The following SSC5D variants were observed in gnomAD, a reference collection of about 807,000 sequenced individuals.
SSC5D encodes the protein soluble scavenger receptor cysteine-rich domain-containing protein SSC5D.
A neutral mutation model predicts 104.6 loss-of-function variants in SSC5D; 106 were observed. The observed-to-expected ratio is 1.01, with a 90% CI of 0.87 to 1.19. The LOEUF (loss-of-function observed/expected upper bound fraction) is 1.19. SSC5D is among the 50% of genes most tolerant of loss of function. The pLI, the probability that SSC5D is intolerant of heterozygous loss-of-function variation, is 0.00. For missense variants in SSC5D, 1,993 were observed against 2,153.8 expected (o/e 0.93, Z 1.48); for synonymous variants, 860 against 883.5 (o/e 0.97, Z 0.47).
At chr19:55,501,960 T>C (rs1236043302) in intron 12 of SSC5D, among the ~76,000 whole-genome samples, 2 of 152,184 alleles carry the variant, frequency 1.3e-5, no homozygotes, top group Non-Finnish European at 2.9e-5. Context: ...TGGAGTGCAG[T>C]GGTGTGATCT....
In SSC5D at chr19:55,498,172, T is replaced by G. The variant is rs1195985650; in HGVS notation, c.1680T>G (p.Asn560Lys). The G allele has an allele frequency of 1.3e-6, 2 of 1,551,690 alleles. No homozygotes were observed. Among genetic ancestry groups the G allele is most frequent in the Admixed American group, 2.0e-5 (1 of 50,994 alleles). The change falls in exon 9 of 14, where the codon AAT (asparagine) becomes AAG (lysine). Residue 560 changes from asparagine (N) to lysine (K), a missense_variant. Around this residue, in one of 6 missense-constraint regions of SSC5D, gnomAD observed 1,101 missense variants for 1,085.0 expected, o/e 1.01. Coordinates refer to ENST00000389623, the MANE Select transcript of SSC5D (RefSeq NM_001144950.2). ...APWGKHNCAH[N>K]EDVGVTCTGP... ...GGGGAAAGCACAACTGCGCTCACAA[T>G]GAGGATGTTGGGGTCACCTGCACTG...
chr19:55,512,465 G>A (rs531785972), intron 12 of SSC5D, among the ~76,000 whole-genome samples: 1 of 139,170 alleles, frequency 7.2e-6, no homozygotes, highest in East Asian at 2.1e-4. Context: ...GAGCCTTGAG[G>A]AATTAAAATA....
At chr19:55,489,843 C>T (rs1987080957) in intron 3 of SSC5D, 39 bp from the exon 4 acceptor site, 2 of 1,531,060 alleles carry the variant, frequency 1.3e-6, no homozygotes, top group South Asian at 2.4e-5. Flanking sequence ...GGATTCCCCT[C>T]CTCTCCTCAT....
intron 13 of SSC5D, among the ~76,000 whole-genome samples, chr19:55,516,149 T>A (rs1371513295): frequency 1.5e-5 from 2 of 137,066 alleles, no homozygotes; most frequent in African/African-American, 2.8e-5. Flanking sequence ...CAGTATTTTT[T>A]AAAATGAAAA....
intron 6 of SSC5D, chr19:55,492,304 C>T (rs73057181): frequency 0.022 from 3,322 of 152,278 alleles, 57 homozygotes; most frequent in Non-Finnish European, 0.029. Context: ...GTGGTGGGGA[C>T]ACGGAGGTCA....
At chr19:55,512,947 G>C (rs1987788777) in intron 12 of SSC5D, 64 bp from the exon 13 acceptor site, 2 of 1,544,258 alleles carry the variant, frequency 1.3e-6, no homozygotes, top group African/African-American at 2.7e-5. Context: ...CAGGAGGAGA[G>C]AGACGGGGAG....
chr19:55,489,159 A>C, intron 2 of SSC5D, 127 bp downstream of exon 2: 1 of 883,316 alleles, frequency 1.1e-6, no homozygotes, highest in Non-Finnish European at 1.6e-6. Context: ...CCTTGGCCCC[A>C]GCTCCGCAAG....
intron 12 of SSC5D, among the ~76,000 whole-genome samples, chr19:55,502,052 G>A (rs923676808): frequency 7.2e-5 from 11 of 152,118 alleles, no homozygotes; most frequent in Non-Finnish European, 8.8e-5. Flanking sequence ...ACAGATGTGC[G>A]CCACCACACC....
At position 55,500,977 on chromosome 19, in the gene SSC5D, C is replaced by T; in HGVS notation, c.2618-57C>T. 1 of 1,544,766 alleles carries T rather than the reference C, an allele frequency of 6.5e-7. No individual in the cohort carries two copies. Among genetic ancestry groups the T allele is most frequent in the South Asian group, 1.2e-5 (1 of 83,596 alleles). ...ATTCCAAAAGGGGAGGGAAGAGCAG[C>T]AGCAAGGACCTCTGAGAAAGAGGAT... On this transcript the variant is annotated intron_variant, in intron 11 of 13. Coordinates refer to ENST00000389623, the MANE Select transcript of SSC5D (RefSeq NM_001144950.2). The surrounding 1 kb of genome is among the most constrained non-coding windows in gnomAD (Gnocchi z 4.6).
At chr19:55,505,600 CCAGCTT>C (rs1411677630) in intron 12 of SSC5D, among the ~76,000 whole-genome samples, 4 of 151,760 alleles carry the variant, frequency 2.6e-5, no homozygotes, top group African/African-American at 7.3e-5. Context: ...CCTGCCTTTT[CCAGCTT>C]CTAGAGGCCA....
rs370121560 is a variant in SSC5D at position 55,491,039 on chromosome 19, G to C, written c.854G>C (p.Ser285Thr). 1.2e-4 allele frequency: 180 copies of C among 1,550,256 alleles called. 2 individuals carry two copies. In the African/African-American group the frequency reaches 2.3e-3, roughly 20 times the overall value. The change falls in exon 6 of 14, where the codon AGC becomes ACC. Residue 285 changes from serine (S) to threonine (T), a missense_variant. Ser to Thr is a moderately conservative substitution (Grantham distance 58). This residue lies in a region of SSC5D where 1,101 missense variants were observed against 1,085.0 expected (regional missense o/e 1.01). Coordinates refer to ENST00000389623, the MANE Select transcript of SSC5D (RefSeq NM_001144950.2). ...RDCPRSPWGR[S>T]NCDHSEDAGL... ...TGCCCCCGAAGCCCCTGGGGCCGGA[G>C]CAACTGTGACCACAGCGAGGATGCG... is the stretch of plus-strand genomic sequence containing the variant.
intron 3 of SSC5D, 85 bp downstream of exon 3, chr19:55,489,747 A>C: frequency 6.7e-7 from 1 of 1,500,102 alleles, no homozygotes; most frequent in Non-Finnish European, 9.0e-7. Flanking sequence ...AGCAAGTCTG[A>C]GTGTTCAGCA....
intron 12 of SSC5D, among the ~76,000 whole-genome samples, chr19:55,508,634 G>A (rs1033140416): frequency 2.0e-5 from 3 of 151,430 alleles, no homozygotes; most frequent in African/African-American, 4.9e-5. Flanking sequence ...AATCCAGGGC[G>A]CATGCAGCAG....
Position 55,490,326 on chromosome 19 carries a change from C to T in SSC5D, c.504C>T (p.Asn168=), listed in dbSNP as rs377361180. Residue 168 remains asparagine (N), a synonymous_variant, in exon 5 of 14, where the codon AAC becomes AAT. Coordinates refer to ENST00000389623, the MANE Select transcript of SSC5D (RefSeq NM_001144950.2). ...CCCGCCCAGCTGGGAACCCCCAGAA[C>T]GCCTCCCGGAAGAAGAGCCCCCGGC... is the stretch of plus-strand genomic sequence containing the variant. ...HAPRPAGNPQ[N]ASRKKSPRPK... 505 of 1,468,840 alleles carry T rather than the reference C, an allele frequency of 3.4e-4. 1 individual carries two copies. In the African/African-American group the frequency reaches 5.0e-3, roughly 15 times the overall value. 91.0% of individuals were successfully genotyped at this position (1,468,840 alleles called of 1,614,324 possible). A position where few individuals can be genotyped will look rare whatever the true frequency, so the allele number is the denominator to read the frequency against.
Position 55,498,112 on chromosome 19 carries a change from C to T in SSC5D, c.1620C>T (p.Thr540=), listed in dbSNP as rs1052226850. ...IWLDDVGCVG[T]EASLSDCPAA... is the part of the protein sequence containing the mutation. ...TAGATGATGTGGGCTGTGTGGGGACCGAGGCTTCACTGTCCGACTGCCCTG... is the reference window on the plus strand; with the variant it reads ...TAGATGATGTGGGCTGTGTGGGGACTGAGGCTTCACTGTCCGACTGCCCTG... Residue 540 remains threonine, a synonymous_variant, in exon 9 of 14, where the codon ACC becomes ACT. Transcript: ENST00000389623. The T allele has an allele frequency of 2.0e-5, 31 of 1,551,506 alleles. No individual in the cohort carries two copies. Among genetic ancestry groups the T allele is most frequent in the African/African-American group, 6.8e-5 (5 of 73,014 alleles).
chr19:55,493,896 C>CGG lies in SSC5D; in HGVS notation c.1200_1201dup (p.Ala401GlyfsTer36), dbSNP rs1987229046. The CGG allele has an allele frequency of 1.4e-6, 2 of 1,462,998 alleles. No homozygotes were observed. The highest frequency in any genetic ancestry group is 1.8e-6 in the Non-Finnish European group (2 of 1,095,400). The allele number at this position is 1,462,998 out of a possible 1,614,324, so 90.6% of individuals were successfully genotyped here. A position where few individuals can be genotyped will look rare whatever the true frequency, so the allele number is the denominator to read the frequency against. Reference sequence around the variant, plus strand: ...ATGACTGTCACCACCGCGAGGACGCCGGGGCCGTGTGTGACGGTGAGGGGG... The same window carrying CGG: ...ATGACTGTCACCACCGCGAGGACGCCGGGGGGCCGTGTGTGACGGTGAGGGGG... On this transcript the variant is annotated frameshift_variant, in exon 7 of 14. Transcript: ENST00000389623. LOFTEE classifies it high-confidence loss of function.
In SSC5D at chr19:55,507,867, G is replaced by A. The variant is rs139678870; in HGVS notation, c.2786-5144G>A. On this transcript the variant is annotated intron_variant, in intron 12 of 13. Transcript: ENST00000389623. The stretch of plus-strand genomic sequence containing the variant: ...TGGGGAATGGACTGTAGGGGCCAGC[G>A]TGGATGCAGGGAGCCCGGGAGGTCC... Among the ~76,000 whole-genome samples the A allele has an allele frequency of 5.1e-4, 77 of 152,088 alleles. 1 individual carries two copies. The East Asian group carries it at 0.014, about 27-fold the overall frequency.
chr19:55,493,635 G>A lies in SSC5D; in HGVS notation c.936G>A (p.Gly312=), dbSNP rs1475246416. Residue 312 remains glycine, a synonymous_variant, in exon 7 of 14, where the codon GGG becomes GGA. Transcript: ENST00000389623. ...TGCGCCTGGCCGATGGCCCCCACGG[G>A]TGCGCCGGCCGCCTGGAGGTCTGGC... The part of the protein sequence containing the change: ...PRLRLADGPH[G]CAGRLEVWHG... The A allele has an allele frequency of 2.9e-5, 44 of 1,492,346 alleles. No individual in the cohort carries two copies. The highest frequency in any genetic ancestry group is 3.9e-5 in the Non-Finnish European group (44 of 1,130,224). 92.4% of individuals were successfully genotyped at this position (1,492,346 alleles called of 1,614,324 possible).
In SSC5D at chr19:55,489,891, T is replaced by G; in HGVS notation, c.371T>G (p.Val124Gly). Reference protein sequence around the residue: ...DAGVVCAGQRVANSRDDSTSP... With the variant: ...DAGVVCAGQRGANSRDDSTSP... ...TGCCCCCCCGCCGCAGGTCAGCGTG[T>G]GGCTAACTCCAGGGACGACTCAACA... Residue 124 changes from valine (V) to glycine (G), a missense_variant, in exon 4 of 14, where the codon GTG (valine) becomes GGG (glycine). This residue lies in a region of SSC5D where 1,101 missense variants were observed against 1,085.0 expected (regional missense o/e 1.01). Transcript: ENST00000389623. 1 of 1,548,570 alleles carries G rather than the reference T, an allele frequency of 6.5e-7. No homozygotes were observed. The highest frequency in any genetic ancestry group is 8.7e-7 in the Non-Finnish European group (1 of 1,146,036).
Sources: gnomAD v4.1 joint callset for allele counts (sites outside exome capture counted in the v4.1 genomes callset) on GRCh38, gnomAD v4.1.1 for gene constraint, gnomAD v4.1.1 regional missense constraint, Gnocchi (gnomAD v3.1) non-coding constraint, MANE v1.5 for transcripts, NCBI Gene and HGNC (gene_info 2026-07-23, HGNC 2026-07-21) for gene names.